Variants in CROCC observed in about 807,000 individuals in gnomAD.
CROCC encodes the protein rootletin.
CROCC carries 180 observed loss-of-function variants against 245.2 expected under a neutral mutation model. The ratio of observed to expected loss-of-function variants is 0.73; its 90% confidence interval spans 0.65 to 0.83. The LOEUF (loss-of-function observed/expected upper bound fraction) is 0.83. Among genes scored for constraint, CROCC ranks in the 40% least tolerant of loss-of-function variants. CROCC has a pLI of 0.00. For missense variants in CROCC, 2,688 were observed against 2,779.4 expected (o/e 0.97, Z 0.74); for synonymous variants, 1,205 against 1,241.6 (o/e 0.97, Z 0.62).
At position 16,956,131 on chromosome 1, in the gene CROCC, G is replaced by GGGAGCTGCA; in HGVS notation, c.3846_3854dup (p.Gln1283_Leu1285dup). ...GAGCGCTCACGGCTGGAGGCTCGGC[G>GGGAGCTGCA]GGAGCTGCAGGAGCTCCGGCGTCAG... On this transcript the variant is annotated inframe_insertion, in exon 25 of 37. Coordinates refer to ENST00000375541, the MANE Select transcript of CROCC (RefSeq NM_014675.5). The GGGAGCTGCA allele has an allele frequency of 6.5e-7, 1 of 1,546,722 alleles. No homozygotes were observed. The highest frequency in any genetic ancestry group is 8.7e-7 in the Non-Finnish European group (1 of 1,144,368).
At chr1:16,948,098 G>A (rs1422726706) in intron 17 of CROCC, among the ~76,000 whole-genome samples, 2 of 152,278 alleles carry the variant, frequency 1.3e-5, no homozygotes, top group Admixed American at 1.3e-4. Flanking sequence ...CAAAGTGCTG[G>A]GATTATAGGC....
chr1:16,950,252 C>T (rs2076136767), intron 19 of CROCC, among the ~76,000 whole-genome samples: 1 of 151,514 alleles, frequency 6.6e-6, no homozygotes, highest in South Asian at 2.1e-4. Context: ...TTGGTATAGA[C>T]AGGGTTTCGC....
intron 13 of CROCC, 81 bp from the exon 14 acceptor site, chr1:16,944,019 T>C: frequency 7.3e-7 from 1 of 1,365,268 alleles, no homozygotes; most frequent in Non-Finnish European, 9.8e-7. Context: ...ATGTAGCTCA[T>C]GGCTAGAGGA....
Position 16,966,370 on chromosome 1 carries a change from T to G in CROCC, c.4697-38T>G. ...TGACCTGGTTTGGGTCTCGGGGCTG[T>G]GCTTGGCCATGCCTGACGGGGTGGG... On this transcript the variant is annotated intron_variant, in intron 29 of 36. Coordinates refer to ENST00000375541, the MANE Select transcript of CROCC (RefSeq NM_014675.5). The surrounding 1 kb of genome is among the most constrained non-coding windows in gnomAD (Gnocchi z 4.8). 6.7e-7 allele frequency: 1 copy of G among 1,494,040 alleles called. No individual in the cohort carries two copies. The highest frequency in any genetic ancestry group is 8.9e-7 in the Non-Finnish European group (1 of 1,121,400). The allele number at this position is 1,494,040 out of a possible 1,614,324, so 92.5% of individuals were successfully genotyped here.
intron 8 of CROCC, among the ~76,000 whole-genome samples, chr1:16,932,674 T>C (rs1204411745): frequency 2.0e-5 from 3 of 152,148 alleles, no homozygotes; most frequent in Non-Finnish European, 4.4e-5. Context: ...TGGGAGCCCA[T>C]GGCAGCCAGG....
chr1:16,969,948 T>C lies in CROCC; in HGVS notation c.5451+14T>C. On this transcript the variant is annotated intron_variant, in intron 33 of 36. Transcript: ENST00000375541. The stretch of plus-strand genomic sequence containing the variant: ...CAGCTACGGGAGGTGAGGGCCAGGG[T>C]GTGCCCCCTCTGTCCCCAAGACTGT... 1 of 1,572,492 alleles carries C rather than the reference T, an allele frequency of 6.4e-7. No individual in the cohort carries two copies. The highest frequency in any genetic ancestry group is 1.7e-4 in the Middle Eastern group (1 of 5,744).
At chr1:16,924,219 T>C (rs2100325799) in intron 2 of CROCC, 106 bp from the exon 3 acceptor site, 2 of 1,398,366 alleles carry the variant, frequency 1.4e-6, no homozygotes, top group South Asian at 2.7e-5. Flanking sequence ...GCCATTCCCA[T>C]CTGGACTCCT....
intron 3 of CROCC, among the ~76,000 whole-genome samples, chr1:16,928,221 A>C (rs1369948765): frequency 6.6e-6 from 1 of 152,286 alleles, no homozygotes; most frequent in African/African-American, 2.4e-5. Context: ...CATCAGAGTA[A>C]GCTGGGCTGG....
At chr1:16,932,439 CA>C (rs1370066580) in intron 8 of CROCC, among the ~76,000 whole-genome samples, 1 of 151,808 alleles carries the variant, frequency 6.6e-6, no homozygotes, top group African/African-American at 2.4e-5. Flanking sequence ...GAACTCCATC[CA>C]AAAAAAGTAA....
At chr1:16,917,397 G>A (rs878948577), upstream of CROCC, among the ~76,000 whole-genome samples, 5 of 152,154 alleles carry the variant, frequency 3.3e-5, no homozygotes, top group South Asian at 2.1e-4. Context: ...AGGGGTAAGC[G>A]GATAAGAGCA....
At chr1:16,952,525 C>T (rs2076179313) in intron 20 of CROCC, among the ~76,000 whole-genome samples, 2 of 151,848 alleles carry the variant, frequency 1.3e-5, no homozygotes, top group Non-Finnish European at 2.9e-5. Flanking sequence ...CTGCTTCTCA[C>T]AGAGTTGCTA....
At chr1:16,959,062 G>A (rs189497557) in intron 26 of CROCC, among the ~76,000 whole-genome samples, 8 of 152,182 alleles carry the variant, frequency 5.3e-5, no homozygotes, top group East Asian at 1.9e-4. Context: ...TCACTCTGTC[G>A]CCCAGGCTGG....
chr1:16,925,077 G>A (rs948372650), intron 3 of CROCC, among the ~76,000 whole-genome samples: 6 of 152,288 alleles, frequency 3.9e-5, no homozygotes, highest in Non-Finnish European at 5.9e-5. Context: ...GGAGCTGGGT[G>A]TGAGCCGGTG....
chr1:16,914,539 C>A (rs1396320454), intron 1 of CROCC, among the ~76,000 whole-genome samples: 2 of 152,406 alleles, frequency 1.3e-5, no homozygotes, highest in East Asian at 3.9e-4. Context: ...GTGTGGGATC[C>A]GGTTTCGTCT....
At position 16,953,425 on chromosome 1, in the gene CROCC, G is replaced by A. The variant is rs1208953205; in HGVS notation, c.3130G>A (p.Ala1044Thr). 5.6e-6 allele frequency: 9 copies of A among 1,610,868 alleles called. No individual in the cohort carries two copies. The highest frequency in any genetic ancestry group is 7.6e-6 in the Non-Finnish European group (9 of 1,179,912). ...EKEELSEEIA[A>T]LQQERDEGLL... ...GGAAGAGCTGAGTGAGGAGATTGCTGCCCTGCAGCAGGAGCGCGACGAGGG... is the reference window on the plus strand; with the variant it reads ...GGAAGAGCTGAGTGAGGAGATTGCTACCCTGCAGCAGGAGCGCGACGAGGG... The change falls in exon 21 of 37, where the codon GCC becomes ACC. Residue 1044 changes from alanine to threonine, a missense_variant. By Grantham distance (58) the Ala-to-Thr change is moderately conservative. Around this residue, in one of 9 missense-constraint regions of CROCC, gnomAD observed 106 missense variants for 126.1 expected, o/e 0.84. Transcript: ENST00000375541.
At chr1:16,957,683 G>A (rs979310897) in intron 25 of CROCC, among the ~76,000 whole-genome samples, 2 of 152,126 alleles carry the variant, frequency 1.3e-5, no homozygotes, top group Non-Finnish European at 2.9e-5. Context: ...GATGTCAGGT[G>A]ATCCACCCAC....
intron 13 of CROCC, chr1:16,940,910 G>C (rs1320667194): frequency 9.4e-6 from 4 of 424,974 alleles, no homozygotes; most frequent in Non-Finnish European, 1.9e-5. Flanking sequence ...ACCGAAGCCT[G>C]AGAGTTAGGT....
intron 20 of CROCC, among the ~76,000 whole-genome samples, chr1:16,952,269 G>C (rs2076174808): frequency 6.6e-6 from 1 of 151,540 alleles, no homozygotes; most frequent in South Asian, 2.1e-4. Context: ...CAGATCACCA[G>C]GTCGGAAGAT....
chr1:16,946,449 C>T (rs775632447), intron 16 of CROCC, 44 bp downstream of exon 16: 2 of 1,595,652 alleles, frequency 1.3e-6, no homozygotes, highest in African/African-American at 1.3e-5. Context: ...CCCACCCATC[C>T]TCCCCACTCA....
Sources: gnomAD v4.1 joint callset for allele counts (sites outside exome capture counted in the v4.1 genomes callset) on GRCh38, gnomAD v4.1.1 for gene constraint, gnomAD v4.1.1 regional missense constraint, Gnocchi (gnomAD v3.1) non-coding constraint, MANE v1.5 for transcripts, NCBI Gene and HGNC (gene_info 2026-07-23, HGNC 2026-07-21) for gene names.